ST6GALNAC3: variants seen among roughly 807,000 people sequenced by gnomAD.
ST6GALNAC3 encodes the protein alpha-N-acetylgalactosaminide alpha-2,6-sialyltransferase 3.
In ST6GALNAC3, 25 loss-of-function variants were observed where a neutral mutation model predicts 32.7. That is an observed-to-expected ratio of 0.76 (90% CI 0.56 to 1.07). ST6GALNAC3 has a LOEUF of 1.07. ST6GALNAC3 is among the 50% of genes least tolerant of loss of function. ST6GALNAC3 has a pLI of 0.00. For missense variants in ST6GALNAC3, 355 were observed against 382.4 expected, an observed-to-expected ratio of 0.93 and a Z score of 0.60; for synonymous variants, 129 against 133.1, an observed-to-expected ratio of 0.97 and a Z score of 0.21.
intron 1 of ST6GALNAC3, among the ~76,000 whole-genome samples, chr1:76,125,945 G>A (rs545154724): frequency 6.6e-6 from 1 of 152,284 alleles, no homozygotes; most frequent in Non-Finnish European, 1.5e-5. Flanking sequence ...CCAATTGAGC[G>A]GGCCCTGCAG....
chr1:76,403,431 G>A (rs1465461919), intron 2 of ST6GALNAC3, among the ~76,000 whole-genome samples: 1 of 151,934 alleles, frequency 6.6e-6, no homozygotes, highest in Non-Finnish European at 1.5e-5. Context: ...TTATTGTTTT[G>A]TTTTCATCCC....
chr1:76,125,324 G>T (rs924727543), intron 1 of ST6GALNAC3, among the ~76,000 whole-genome samples: 1 of 152,064 alleles, frequency 6.6e-6, no homozygotes, highest in Non-Finnish European at 1.5e-5. Flanking sequence ...CAGGTTTTGG[G>T]CACTGCACCT....
intron 1 of ST6GALNAC3, among the ~76,000 whole-genome samples, chr1:76,154,411 A>T (rs1253933317): frequency 1.3e-5 from 2 of 152,200 alleles, no homozygotes; most frequent in Admixed American, 1.3e-4. Flanking sequence ...TTTGTGTCTC[A>T]GCTTCTACTT....
intron 1 of ST6GALNAC3, among the ~76,000 whole-genome samples, chr1:76,156,800 T>G (rs372528522): frequency 5.3e-5 from 8 of 152,162 alleles, no homozygotes; most frequent in Non-Finnish European, 8.8e-5. Flanking sequence ...GGCGCGATCT[T>G]GGCTCACTGC....
chr1:76,122,547 G>A (rs1401267579), intron 1 of ST6GALNAC3, among the ~76,000 whole-genome samples: 5 of 152,304 alleles, frequency 3.3e-5, no homozygotes, highest in Admixed American at 6.5e-5. Context: ...CTCCTTGAAA[G>A]CCTCCTTCAC....
In ST6GALNAC3 at chr1:76,088,912, T is replaced by C. The variant is rs143902548; in HGVS notation, c.18+14028T>C. On this transcript the variant is annotated intron_variant, in intron 1 of 4. Coordinates refer to ENST00000328299, the MANE Select transcript of ST6GALNAC3 (RefSeq NM_152996.4). ...GAAACAGTGAAAAGTTGTGTATGGC[T>C]GGCATTGAGCTGGCTTTGGGAGCTG... Among the ~76,000 whole-genome samples, 333 of 152,352 alleles carry C rather than the reference T, an allele frequency of 2.2e-3. 1 individual carries two copies. The highest frequency in any genetic ancestry group is 7.7e-3 in the African/African-American group (322 of 41,584).
chr1:76,252,932 G>T (rs1485490377), intron 1 of ST6GALNAC3, among the ~76,000 whole-genome samples: 7 of 152,078 alleles, frequency 4.6e-5, no homozygotes, highest in Admixed American at 3.3e-4. Flanking sequence ...CTATTATCAT[G>T]AACCAGTCAA....
At chr1:76,113,935 C>T (rs2100815299) in intron 1 of ST6GALNAC3, among the ~76,000 whole-genome samples, 3 of 151,980 alleles carry the variant, frequency 2.0e-5, no homozygotes, top group South Asian at 4.2e-4. Flanking sequence ...AGCAATTCTC[C>T]TGCCTCAACC....
chr1:76,512,626 A>G (rs1305203587), intron 3 of ST6GALNAC3, among the ~76,000 whole-genome samples: 1 of 152,058 alleles, frequency 6.6e-6, no homozygotes, highest in Non-Finnish European at 1.5e-5. Context: ...CATCCTATTA[A>G]CAATTGTCAC....
chr1:76,134,908 C>T (rs981689793), intron 1 of ST6GALNAC3, among the ~76,000 whole-genome samples: 5 of 152,080 alleles, frequency 3.3e-5, no homozygotes, highest in African/African-American at 9.7e-5. Context: ...TTTGGGAGGC[C>T]GAGGCAGGCA....
intron 3 of ST6GALNAC3, among the ~76,000 whole-genome samples, chr1:76,429,608 C>T (rs1490518875): frequency 6.6e-6 from 1 of 152,050 alleles, no homozygotes; most frequent in East Asian, 1.9e-4. Flanking sequence ...TCAATATGTG[C>T]TCAACATATT....
chr1:76,372,534 A>T (rs1402718814), intron 2 of ST6GALNAC3, among the ~76,000 whole-genome samples: 1 of 152,074 alleles, frequency 6.6e-6, no homozygotes, highest in Non-Finnish European at 1.5e-5. Flanking sequence ...AGTTAATGAC[A>T]CCACTGTCCT....
intron 3 of ST6GALNAC3, among the ~76,000 whole-genome samples, chr1:76,612,106 T>C (rs902627452): frequency 6.6e-6 from 1 of 152,200 alleles, no homozygotes; most frequent in Admixed American, 6.5e-5. Flanking sequence ...TTTTTTTATT[T>C]TTATTTTACC....
chr1:76,174,988 ACG>A (rs1652761378), intron 1 of ST6GALNAC3, among the ~76,000 whole-genome samples: 1 of 152,124 alleles, frequency 6.6e-6, no homozygotes, highest in Admixed American at 6.6e-5. Context: ...GTTCTATAAT[ACG>A]CTACTTAATG....
At chr1:76,287,057 G>C (rs918701016) in intron 1 of ST6GALNAC3, among the ~76,000 whole-genome samples, 1 of 151,246 alleles carries the variant, frequency 6.6e-6, no homozygotes, top group Non-Finnish European at 1.5e-5. Flanking sequence ...AGAAATTGAT[G>C]ATAACTTTTT....
intron 3 of ST6GALNAC3, among the ~76,000 whole-genome samples, chr1:76,566,257 A>G (rs1298934351): frequency 6.6e-6 from 1 of 152,198 alleles, no homozygotes; most frequent in Non-Finnish European, 1.5e-5. Context: ...GCAAGTAAAG[A>G]GTAATTTATA....
intron 3 of ST6GALNAC3, among the ~76,000 whole-genome samples, chr1:76,537,558 G>T (rs538137101): frequency 6.1e-4 from 92 of 151,964 alleles, no homozygotes; most frequent in Non-Finnish European, 1.2e-3. Flanking sequence ...GAACAAAATA[G>T]ACCATTAGAT....
chr1:76,119,697 A>G (rs1648733247), intron 1 of ST6GALNAC3, among the ~76,000 whole-genome samples: 2 of 152,380 alleles, frequency 1.3e-5, no homozygotes, highest in South Asian at 2.1e-4. Context: ...TTGAACAACA[A>G]TAGTAACTAT....
intron 3 of ST6GALNAC3, among the ~76,000 whole-genome samples, chr1:76,625,913 A>T (rs1648939447): frequency 6.6e-6 from 1 of 151,916 alleles, no homozygotes. Context: ...TTTCAGACTC[A>T]GTGACAAGTA....
Sources: allele counts gnomAD v4.1 joint callset (sites outside exome capture counted in the v4.1 genomes callset), GRCh38; gene constraint gnomAD v4.1.1; transcripts MANE v1.5; gene names NCBI Gene and HGNC (gene_info 2026-07-23, HGNC 2026-07-21).